Variants in STXBP2 observed in about 807,000 individuals in gnomAD.
The protein encoded by STXBP2 is syntaxin binding protein 2.
A neutral mutation model predicts 72.2 loss-of-function variants in STXBP2; 47 were observed. The ratio of observed to expected loss-of-function variants is 0.65; its 90% CI spans 0.51 to 0.83. STXBP2 has a LOEUF of 0.83. STXBP2 is among the 40% of genes least tolerant of loss of function. The pLI is 0.00. For synonymous variants in STXBP2, 367 were observed against 338.7 expected, an observed-to-expected ratio of 1.08 and a Z score of -0.92; for missense variants, 702 against 807.6, an observed-to-expected ratio of 0.87 and a Z score of 1.58.
chr19:7,646,628 G>A (rs1406432653), intron 16 of STXBP2: 13 of 518,634 alleles, frequency 2.5e-5, no homozygotes, highest in Non-Finnish European at 4.6e-5. Flanking sequence ...GTGCCCCTGA[G>A]CCCCAGCCCT....
chr19:7,637,299 G>A (rs2031583724), intron 1 of STXBP2, 113 bp downstream of exon 1: 2 of 1,093,732 alleles, frequency 1.8e-6, no homozygotes. Flanking sequence ...GGCCGGGCTG[G>A]GCGTCCGAGC....
At chr19:7,637,100 C>T (rs2031569090), upstream of STXBP2, 3 of 1,235,730 alleles carry the variant, frequency 2.4e-6, no homozygotes, top group Admixed American at 4.2e-5. Context: ...CGGGGCCACG[C>T]CCCCACCTTG....
At chr19:7,630,757 A>C in the STXBP2 span, 1 of 1,536,284 alleles carries the variant, frequency 6.5e-7, no homozygotes, top group Non-Finnish European at 8.7e-7. Context: ...CCATAAGCCG[A>C]CCCTGCCCTG....
intron 6 of STXBP2, 30 bp downstream of exon 6, chr19:7,641,033 GT>G: frequency 6.2e-7 from 1 of 1,609,482 alleles, no homozygotes; most frequent in Non-Finnish European, 8.5e-7. Flanking sequence ...TGGGCAGGGG[GT>G]GGGGGTTTGT....
rs775946676 is a variant in STXBP2, at chr19:7,640,478, ATG to A, written c.247-247_247-246del. On this transcript the variant is annotated intron_variant, in intron 4 of 18. Coordinates refer to ENST00000221283, the MANE Select transcript of STXBP2 (RefSeq NM_006949.4). ...TATGTGTGTGCATCTCTGTGTGTGC[ATG>A]TGTGTATGTGTGTGTGCATCTGTGT... 203 of 634,562 alleles carry A rather than the reference ATG, an allele frequency of 3.2e-4. 1 individual carries two copies. The highest frequency in any genetic ancestry group is 1.0e-3 in the South Asian group (65 of 64,530). 39.3% of individuals were successfully genotyped at this position (634,562 alleles called of 1,614,324 possible).
At chr19:7,643,917 AGAGGTAG>A (rs2032010597) in intron 13 of STXBP2, among the ~76,000 whole-genome samples, 2 of 142,890 alleles carry the variant, frequency 1.4e-5, no homozygotes, top group African/African-American at 2.7e-5. Flanking sequence ...GGGGCCTTGG[AGAGGTAG>A]GAGCTGGGAG....
Position 7,639,822 on chromosome 19 carries a change from G to C in STXBP2, c.246+15G>C, listed in dbSNP as rs1210296765. 1.2e-6 allele frequency: 2 copies of C among 1,613,534 alleles called. No individual in the cohort carries two copies. The highest frequency in any genetic ancestry group is 1.7e-5 in the Admixed American group (1 of 59,982). Reference sequence around the variant, plus strand: ...CCACGGAGAAGGTGCCTACATGAGTGAGCGTGTGTGTATGCGCGTGCATGC... The same window carrying C: ...CCACGGAGAAGGTGCCTACATGAGTCAGCGTGTGTGTATGCGCGTGCATGC... On this transcript the variant is annotated intron_variant, in intron 4 of 18. Transcript: ENST00000221283.
intron 2 of STXBP2, 31 bp downstream of exon 2, chr19:7,638,806 G>A (rs1414185848): frequency 6.2e-7 from 1 of 1,613,932 alleles, no homozygotes; most frequent in Non-Finnish European, 8.5e-7. Flanking sequence ...TGGGTACCCA[G>A]AGGCAGCTCA....
intron 15 of STXBP2, chr19:7,645,910 G>T: frequency 4.7e-6 from 2 of 428,150 alleles, no homozygotes; most frequent in Admixed American, 4.0e-5. Flanking sequence ...TCCCCCTTCT[G>T]TCCCCATCTT....
At position 7,639,098 on chromosome 19, in the gene STXBP2, C is replaced by T. The variant is rs138007892; in HGVS notation, c.167C>T (p.Thr56Ile). Residue 56 changes from threonine (T) to isoleucine (I), a missense_variant and splice_region_variant, in exon 3 of 19, where the codon ACC becomes ATC. Thr to Ile is a moderately conservative substitution (Grantham distance 89). Coordinates refer to ENST00000221283, the MANE Select transcript of STXBP2 (RefSeq NM_006949.4). ...TCAGATATCCTGGCTGAGGGCATCACCAGTGAGTGAACGCGTCCCCAGTGA... is the reference window on the plus strand; with the variant it reads ...TCAGATATCCTGGCTGAGGGCATCATCAGTGAGTGAACGCGTCCCCAGTGA... ...KMSDILAEGI[T>I]IVEDINKRRE... The T allele has an allele frequency of 3.7e-5, 59 of 1,614,082 alleles. No homozygotes were observed. In the African/African-American group the frequency reaches 7.5e-4, roughly 20 times the overall value.
At chr19:7,639,996 GTGTC>G (rs1474444665) in intron 4 of STXBP2, 189 bp downstream of exon 4, 3 of 724,856 alleles carry the variant, frequency 4.1e-6, no homozygotes, top group Non-Finnish European at 7.2e-6. Context: ...GTTTGCATGT[GTGTC>G]TATGTATGTG....
intron 13 of STXBP2, 105 bp from the exon 14 acceptor site, chr19:7,644,509 C>T: frequency 6.6e-7 from 1 of 1,509,756 alleles, no homozygotes; most frequent in East Asian, 2.3e-5. Context: ...GAGGTAGGAC[C>T]CAAATGTCCT....
upstream of STXBP2, chr19:7,632,161 GA>G: frequency 1.5e-6 from 1 of 678,540 alleles, no homozygotes; most frequent in Admixed American, 3.0e-5. This position sits in a 1 kb window ranked among gnomAD's most constrained non-coding sequence, Gnocchi z 5.2. Context: ...AGAACCTTCA[GA>G]CTTGGGGGCA....
At chr19:7,639,949 CATG>C (rs1568464338) in intron 4 of STXBP2, 142 bp downstream of exon 4, 2 of 709,828 alleles carry the variant, frequency 2.8e-6, no homozygotes, top group African/African-American at 4.1e-5. Flanking sequence ...CATGTGTGTG[CATG>C]TGTGTGTGCA....
At chr19:7,635,178 C>A (rs1186208339), upstream of STXBP2, among the ~76,000 whole-genome samples, 1 of 152,172 alleles carries the variant, frequency 6.6e-6, no homozygotes, top group Non-Finnish European at 1.5e-5. Context: ...AAGCTGGAGG[C>A]GGTCCTGGCT....
the STXBP2 span, chr19:7,631,326 T>C: frequency 7.1e-7 from 1 of 1,400,398 alleles, no homozygotes; most frequent in South Asian, 1.6e-5. Flanking sequence ...CCCTTTGTAA[T>C]TGGCAGGGGG....
intron 6 of STXBP2, 35 bp from the exon 7 acceptor site, chr19:7,641,670 G>T: frequency 1.9e-6 from 3 of 1,549,956 alleles, no homozygotes; most frequent in South Asian, 1.2e-5. Context: ...CACCTGCAGC[G>T]GCAACCCTGG....
chr19:7,637,137 C>A lies in STXBP2; in HGVS notation c.-13C>A. On this transcript the variant is annotated 5_prime_UTR_variant, in exon 1 of 19. Transcript: ENST00000221283. The stretch of plus-strand genomic sequence containing the variant: ...GACACACCCGGAAGCGGCGGCGGCG[C>A]CCCTCGGGGAAGATGGCGCCCTCGG... The A allele has an allele frequency of 8.1e-7, 1 of 1,240,250 alleles. No homozygotes were observed. Among genetic ancestry groups the A allele is most frequent in the East Asian group, 3.2e-5 (1 of 31,686 alleles). 76.8% of individuals were successfully genotyped at this position (1,240,250 alleles called of 1,614,324 possible).
chr19:7,646,329 C>G lies in STXBP2; in HGVS notation c.1437C>G (p.Ile479Met). ...TYQLSRWTPV[I>M]KDVMEDAVED... ...AGCTGTCCCGCTGGACCCCGGTCATCAAGGATGTAATGGAGGTACTGGGTG... is the reference window on the plus strand; with the variant it reads ...AGCTGTCCCGCTGGACCCCGGTCATGAAGGATGTAATGGAGGTACTGGGTG... The change falls in exon 16 of 19, where the codon ATC (isoleucine) becomes ATG (methionine). Residue 479 changes from isoleucine to methionine, a missense_variant. Ile to Met is a conservative substitution (Grantham distance 10). Coordinates refer to ENST00000221283, the MANE Select transcript of STXBP2 (RefSeq NM_006949.4). The G allele has an allele frequency of 6.8e-6, 11 of 1,609,476 alleles. No homozygotes were observed. Among genetic ancestry groups the G allele is most frequent in the Non-Finnish European group, 9.3e-6 (11 of 1,178,428 alleles).
Sources: gnomAD v4.1 joint callset for allele counts (sites outside exome capture counted in the v4.1 genomes callset) on GRCh38, gnomAD v4.1.1 for gene constraint, Gnocchi (gnomAD v3.1) non-coding constraint, MANE v1.5 for transcripts, NCBI Gene and HGNC (gene_info 2026-07-23, HGNC 2026-07-21) for gene names.